The following NEXMIF variants were observed in gnomAD, a reference collection of about 807,000 sequenced individuals.
The protein encoded by NEXMIF is XLMR protein related to neurite extension.
In NEXMIF, 8 loss-of-function variants were observed where a neutral mutation model predicts 62.1. The ratio of observed to expected loss-of-function variants is 0.13; its 90% CI spans 0.08 to 0.23. The LOEUF (loss-of-function observed/expected upper bound fraction) is 0.23. NEXMIF is among the 10% of genes least tolerant of loss of function. The probability of loss-of-function intolerance (pLI) is 1.00; values close to 1 mark genes in which losing one functional copy is unlikely to be tolerated. For synonymous variants in NEXMIF, 404 were observed against 416.6 expected (o/e 0.97, Z 0.37); for missense variants, 976 against 1,113.3 (o/e 0.88, Z 1.75).
intron 1 of NEXMIF, among the ~76,000 whole-genome samples, chrX:74,920,256 T>C (rs1222042102): frequency 9.0e-6 from 1 of 110,726 alleles, no homozygotes. Flanking sequence ...TGTAAAAGTG[T>C]TCCTATTTCT....
intron 1 of NEXMIF, among the ~76,000 whole-genome samples, chrX:74,877,414 G>A (rs889930022): frequency 1.9e-4 from 21 of 111,339 alleles, no homozygotes; most frequent in African/African-American, 6.5e-4. Flanking sequence ...CTCTCTGGCT[G>A]CCCTTAGCAT....
intron 1 of NEXMIF, among the ~76,000 whole-genome samples, chrX:74,835,372 C>A (rs923334626): frequency 2.7e-5 from 3 of 111,248 alleles, no homozygotes; most frequent in African/African-American, 9.8e-5. Flanking sequence ...TAGATGTTCA[C>A]CGGTGTCTGA....
At chrX:74,883,847 G>C (rs1361164279) in intron 1 of NEXMIF, among the ~76,000 whole-genome samples, 6 of 111,644 alleles carry the variant, frequency 5.4e-5, no homozygotes, top group African/African-American at 9.8e-5. Context: ...ATAATTGTCA[G>C]ATTCACCAAA....
intron 1 of NEXMIF, among the ~76,000 whole-genome samples, chrX:74,802,159 A>C (rs2080331776): frequency 8.9e-6 from 1 of 111,850 alleles, no homozygotes; most frequent in Non-Finnish European, 1.9e-5. Context: ...GGTAGGACAC[A>C]GGCCTGGGTG....
At chrX:74,856,030 A>G (rs2080533668) in intron 1 of NEXMIF, among the ~76,000 whole-genome samples, 2 of 112,374 alleles carry the variant, frequency 1.8e-5, no homozygotes, top group Admixed American at 1.9e-4. Flanking sequence ...GAAACATGCA[A>G]AAAACAAGAA....
chrX:74,757,859 C>T (rs1222319054), intron 1 of NEXMIF, among the ~76,000 whole-genome samples: 1 of 111,702 alleles, frequency 9.0e-6, no homozygotes, highest in Admixed American at 9.6e-5. Flanking sequence ...TGTTGCTAGA[C>T]TGACAACCAG....
intron 1 of NEXMIF, among the ~76,000 whole-genome samples, chrX:74,820,432 G>GA (rs2080391176): frequency 9.0e-6 from 1 of 111,001 alleles, no homozygotes; most frequent in Non-Finnish European, 1.9e-5. Context: ...TCAGCCATTG[G>GA]AAAATCAATG....
At chrX:74,846,840 G>A (rs371275825) in intron 1 of NEXMIF, among the ~76,000 whole-genome samples, 5 of 112,116 alleles carry the variant, frequency 4.5e-5, no homozygotes, top group African/African-American at 1.3e-4. Flanking sequence ...CAATGTACTA[G>A]TGTGTCTTAT....
chrX:74,793,443 A>C (rs944430578), intron 1 of NEXMIF, among the ~76,000 whole-genome samples: 17 of 109,060 alleles, frequency 1.6e-4, no homozygotes, highest in African/African-American at 4.0e-4. Context: ...TGAATCTGAC[A>C]ATTATGTGTC....
At chrX:74,890,710 C>A (rs1365930378) in intron 1 of NEXMIF, among the ~76,000 whole-genome samples, 1 of 111,716 alleles carries the variant, frequency 9.0e-6, no homozygotes, top group African/African-American at 3.3e-5. Flanking sequence ...TCAACTCTTT[C>A]AGGCCATATG....
At chrX:74,784,629 T>TAC (rs1230152223) in intron 1 of NEXMIF, among the ~76,000 whole-genome samples, 4 of 109,886 alleles carry the variant, frequency 3.6e-5, no homozygotes, top group Admixed American at 2.0e-4. Context: ...TATATATATA[T>TAC]ACACACATAC....
chrX:74,858,050 C>T (rs1461747705), intron 1 of NEXMIF, among the ~76,000 whole-genome samples: 1 of 112,352 alleles, frequency 8.9e-6, no homozygotes, highest in East Asian at 2.8e-4. Context: ...AGTTCCTGGC[C>T]TGGATGGCAT....
chrX:74,749,502 A>G (rs2080135488), intron 1 of NEXMIF, among the ~76,000 whole-genome samples: 1 of 110,466 alleles, frequency 9.1e-6, no homozygotes, highest in Non-Finnish European at 1.9e-5. Context: ...ATGTTCCTAA[A>G]TATTCTAACC....
intron 1 of NEXMIF, among the ~76,000 whole-genome samples, chrX:74,760,196 G>T (rs1784997502): frequency 8.9e-6 from 1 of 111,749 alleles, no homozygotes; most frequent in Non-Finnish European, 1.9e-5. Flanking sequence ...CAGCTTGGAT[G>T]TTGTTAGCAT....
At chrX:74,883,495 G>A (rs939331276) in intron 1 of NEXMIF, among the ~76,000 whole-genome samples, 28 of 112,026 alleles carry the variant, frequency 2.5e-4, no homozygotes, top group African/African-American at 4.6e-4. Flanking sequence ...ATTACGTGAC[G>A]AATGCACAAG....
Position 74,809,230 on chromosome X carries a change from A to G in NEXMIF, c.-47-63533T>C, listed in dbSNP as rs964196275. Among the ~76,000 whole-genome samples, 3 of 112,357 alleles carry G rather than the reference A, an allele frequency of 2.7e-5. No individual in the cohort carries two copies. In the East Asian group the frequency reaches 8.3e-4, roughly 31 times the overall value. On this transcript the variant is annotated intron_variant, in intron 1 of 3. Transcript: ENST00000055682. ...CACAGACTAAAACACTGCTTAAAAA[A>G]AAATAAGTCTTAACATTCCCTTGTC... is the stretch of plus-strand genomic sequence containing the variant.
chrX:74,878,591 G>C (rs1236605974), intron 1 of NEXMIF, among the ~76,000 whole-genome samples: 4 of 112,559 alleles, frequency 3.6e-5, no homozygotes, highest in African/African-American at 9.7e-5. Flanking sequence ...CCCCAGCCTC[G>C]CTGCCACCTT....
At chrX:74,892,887 T>C (rs974834062) in intron 1 of NEXMIF, among the ~76,000 whole-genome samples, 1 of 112,057 alleles carries the variant, frequency 8.9e-6, no homozygotes, top group Non-Finnish European at 1.9e-5. Flanking sequence ...AATTAGAGTA[T>C]TTTTGAGGCA....
chrX:74,886,897 C>T (rs1226600529), intron 1 of NEXMIF, among the ~76,000 whole-genome samples: 8 of 107,829 alleles, frequency 7.4e-5, no homozygotes, highest in Non-Finnish European at 9.4e-5. Flanking sequence ...TGACTTCAAA[C>T]TATACTACAA....
Sources: allele counts gnomAD v4.1 joint callset (sites outside exome capture counted in the v4.1 genomes callset), GRCh38; gene constraint gnomAD v4.1.1; transcripts MANE v1.5; gene names NCBI Gene and HGNC (gene_info 2026-07-23, HGNC 2026-07-21).